Variants in XIRP2 observed in about 807,000 individuals in gnomAD.
XIRP2 encodes the protein xin actin binding repeat containing 2.
Under a neutral mutation model 277.0 loss-of-function variants are expected in XIRP2, and 236 were observed. That is an observed-to-expected ratio of 0.85 (90% CI 0.77 to 0.95). XIRP2 has a LOEUF of 0.95. XIRP2 is among the 40% of genes least tolerant of loss of function. The probability of loss-of-function intolerance (pLI) is 0.00; values close to 1 mark genes in which losing one functional copy is unlikely to be tolerated. For missense variants in XIRP2, 4,640 were observed against 4,157.5 expected (o/e 1.12, Z -3.19); for synonymous variants, 1,490 against 1,416.5 (o/e 1.05, Z -1.17).
chr2:167,150,518 G>A (rs1035396610), intron 3 of XIRP2, among the ~76,000 whole-genome samples: 2 of 151,914 alleles, frequency 1.3e-5, no homozygotes, highest in Non-Finnish European at 2.9e-5. Flanking sequence ...TTACATAAGC[G>A]AATGACTGAA....
chr2:167,232,250 A>C (rs531234138), intron 5 of XIRP2, among the ~76,000 whole-genome samples: 90 of 152,136 alleles, frequency 5.9e-4, no homozygotes, highest in Non-Finnish European at 1.1e-3. Context: ...ACTGTTCACT[A>C]GGTATGAGTT....
chr2:167,164,284 C>CAAAA (rs368415759), intron 3 of XIRP2, among the ~76,000 whole-genome samples: 23 of 142,012 alleles, frequency 1.6e-4, no homozygotes, highest in African/African-American at 3.6e-4. Flanking sequence ...ACTAAAAATA[C>CAAAA]AAAAAAAAAA....
intron 2 of XIRP2, among the ~76,000 whole-genome samples, chr2:167,043,732 T>C (rs954989494): frequency 6.6e-6 from 1 of 151,982 alleles, no homozygotes; most frequent in Non-Finnish European, 1.5e-5. Context: ...CTGGATCAGA[T>C]GGATTCACAG....
chr2:167,095,842 G>A (rs574998288), intron 2 of XIRP2, among the ~76,000 whole-genome samples: 2 of 141,570 alleles, frequency 1.4e-5, no homozygotes, highest in South Asian at 2.3e-4. Context: ...TGATTTAGGA[G>A]GCGTCACTCT....
chr2:167,212,459 T>C (rs1475492572), intron 4 of XIRP2, among the ~76,000 whole-genome samples: 1 of 152,248 alleles, frequency 6.6e-6, no homozygotes, highest in Admixed American at 6.5e-5. Flanking sequence ...AAAAAGGGAA[T>C]GTTTACATTG....
At chr2:166,932,559 T>C (rs151071833) in intron 2 of XIRP2, among the ~76,000 whole-genome samples, 193 of 152,264 alleles carry the variant, frequency 1.3e-3, no homozygotes, top group African/African-American at 4.3e-3. Flanking sequence ...AAGTGTTTTG[T>C]TTTAATAAGT....
intron 2 of XIRP2, among the ~76,000 whole-genome samples, chr2:167,058,008 A>G (rs1689080009): frequency 7.2e-6 from 1 of 138,422 alleles, no homozygotes; most frequent in East Asian, 2.2e-4. Context: ...TGCATGTTTT[A>G]TTTTATTTTA....
In XIRP2 at chr2:166,913,222, G is replaced by A. The variant is rs184799302; in HGVS notation, c.408+9332G>A. 1.3e-3 allele frequency among the ~76,000 whole-genome samples: 199 copies of A among 152,252 alleles called. 4 individuals are homozygous for A. The highest frequency in any genetic ancestry group is 4.6e-3 in the African/African-American group (191 of 41,556). On this transcript the variant is annotated intron_variant, in intron 2 of 10. Coordinates refer to ENST00000409195, the MANE Select transcript of XIRP2 (RefSeq NM_152381.6). ...CCAGAGGTGGAGTCTACAGAGGCAG[G>A]CAGGCCTCCTTGAGCTGCGGTGGGC...
At chr2:167,024,664 G>A (rs1013318278) in intron 2 of XIRP2, among the ~76,000 whole-genome samples, 6 of 152,138 alleles carry the variant, frequency 3.9e-5, no homozygotes, top group South Asian at 2.1e-4. Flanking sequence ...TTAGCATGAC[G>A]TGTTGTTGAA....
intron 2 of XIRP2, among the ~76,000 whole-genome samples, chr2:167,119,411 G>A (rs935094773): frequency 2.0e-5 from 3 of 152,164 alleles, no homozygotes; most frequent in Non-Finnish European, 2.9e-5. Context: ...TAATGAGAGA[G>A]CAAAGGTAAA....
chr2:167,094,884 T>C (rs1433448846), intron 2 of XIRP2, among the ~76,000 whole-genome samples: 1 of 152,198 alleles, frequency 6.6e-6, no homozygotes, highest in Non-Finnish European at 1.5e-5. Flanking sequence ...GGGGATAGCA[T>C]TGAATCTACA....
At chr2:167,018,651 A>G (rs547423758) in intron 2 of XIRP2, among the ~76,000 whole-genome samples, 1 of 152,010 alleles carries the variant, frequency 6.6e-6, no homozygotes, top group East Asian at 1.9e-4. Context: ...CATTTTTGGC[A>G]TCAGGCTGTG....
intron 2 of XIRP2, among the ~76,000 whole-genome samples, chr2:167,083,827 AAGG>A (rs1448983191): frequency 2.0e-5 from 3 of 152,098 alleles, no homozygotes; most frequent in Admixed American, 2.0e-4. Flanking sequence ...TTGTCAGCTT[AAGG>A]AGATTTTGGG....
intron 2 of XIRP2, among the ~76,000 whole-genome samples, chr2:166,975,351 T>C (rs1383041638): frequency 6.6e-6 from 1 of 152,228 alleles, no homozygotes; most frequent in African/African-American, 2.4e-5. Context: ...TAATCATTTT[T>C]TCAAGTGCAT....
intron 2 of XIRP2, among the ~76,000 whole-genome samples, chr2:167,090,077 T>G (rs1278172837): frequency 2.0e-5 from 3 of 152,076 alleles, no homozygotes; most frequent in African/African-American, 7.2e-5. Flanking sequence ...AGAGGGAAAA[T>G]TATTTCTTAT....
chr2:167,179,784 C>G (rs2105356146), intron 3 of XIRP2, among the ~76,000 whole-genome samples: 1 of 152,126 alleles, frequency 6.6e-6, no homozygotes, highest in East Asian at 1.9e-4. Flanking sequence ...GGACTATAGG[C>G]ATGTGCCACT....
chr2:167,212,754 T>C (rs1694091533), intron 4 of XIRP2, among the ~76,000 whole-genome samples: 1 of 152,210 alleles, frequency 6.6e-6, no homozygotes, highest in Non-Finnish European at 1.5e-5. Context: ...CATATTATAG[T>C]ATATGGTTTG....
At position 167,244,780 on chromosome 2, in the gene XIRP2, C is replaced by G; in HGVS notation, c.3388C>G (p.Leu1130Val). The G allele has an allele frequency of 6.2e-7, 1 of 1,613,468 alleles. No individual in the cohort carries two copies. Among genetic ancestry groups the G allele is most frequent in the Non-Finnish European group, 8.5e-7 (1 of 1,179,718 alleles). ...HKGDVKTCTW[L>V]FETQPLDTIK... ...GGGAGATGTCAAAACTTGTACTTGG[C>G]TCTTTGAAACTCAGCCACTTGATAC... The change falls in exon 9 of 11, where the codon CTC becomes GTC. Residue 1130 changes from leucine (L) to valine (V), a missense_variant. Coordinates refer to ENST00000409195, the MANE Select transcript of XIRP2 (RefSeq NM_152381.6).
chr2:167,111,489 T>C (rs976963410), intron 2 of XIRP2, among the ~76,000 whole-genome samples: 1 of 152,192 alleles, frequency 6.6e-6, no homozygotes, highest in Admixed American at 6.6e-5. Context: ...TGGATTTGCA[T>C]GTGTTGAACC....
Sources: gnomAD v4.1 joint callset for allele counts (sites outside exome capture counted in the v4.1 genomes callset) on GRCh38, gnomAD v4.1.1 for gene constraint, MANE v1.5 for transcripts, NCBI Gene and HGNC (gene_info 2026-07-23, HGNC 2026-07-21) for gene names.